Variants in EFHC1 observed in about 807,000 individuals in gnomAD.
The protein encoded by EFHC1 is EF-hand domain containing 1, also known as EF-hand domain-containing protein 1.
A neutral mutation model predicts 69.9 loss-of-function variants in EFHC1; 53 were observed. The ratio of observed to expected loss-of-function variants is 0.76; its 90% CI spans 0.61 to 0.95. EFHC1 has a LOEUF of 0.95. Ranked by LOEUF, EFHC1 falls within the 40% of genes least tolerant of loss-of-function variation. The probability of loss-of-function intolerance (pLI) is 0.00; values close to 1 mark genes in which losing one functional copy is unlikely to be tolerated. For missense variants in EFHC1, 739 were observed against 798.7 expected (o/e 0.93, Z 0.90); for synonymous variants, 256 against 278.4 (o/e 0.92, Z 0.80).
At chr6:52,446,791 A>G (rs1764797281) in intron 3 of EFHC1, among the ~76,000 whole-genome samples, 1 of 152,160 alleles carries the variant, frequency 6.6e-6, no homozygotes, top group South Asian at 2.1e-4. Context: ...GTTTGTCTAT[A>G]AAGGATTTTA....
At chr6:52,444,650 T>C (rs1320533178) in intron 3 of EFHC1, among the ~76,000 whole-genome samples, 1 of 152,218 alleles carries the variant, frequency 6.6e-6, no homozygotes, top group Non-Finnish European at 1.5e-5. Flanking sequence ...AACTTGATCG[T>C]GGTGGATAGG....
chr6:52,439,994 T>C (rs1469341697), intron 3 of EFHC1, among the ~76,000 whole-genome samples: 1 of 152,170 alleles, frequency 6.6e-6, no homozygotes, highest in Non-Finnish European at 1.5e-5. Context: ...ATAACAATTA[T>C]TTTTACAGTT....
At chr6:52,455,236 G>A (rs1024147633) in intron 5 of EFHC1, among the ~76,000 whole-genome samples, 1 of 152,186 alleles carries the variant, frequency 6.6e-6, no homozygotes, top group African/African-American at 2.4e-5. Context: ...TTAGAATAAT[G>A]TCATCTTGGT....
At chr6:52,423,899 C>G (rs1764243948) in intron 1 of EFHC1, 47 bp from the exon 2 acceptor site, 8 of 1,610,340 alleles carry the variant, frequency 5.0e-6, no homozygotes, top group Non-Finnish European at 5.9e-6. Context: ...TTTTACCTAA[C>G]AAATATTTGT....
In EFHC1 at chr6:52,480,176, C is replaced by A. The variant is rs1765644540; in HGVS notation, c.1640+389C>A. On this transcript the variant is annotated intron_variant, in intron 9 of 10. Coordinates refer to ENST00000371068, the MANE Select transcript of EFHC1 (RefSeq NM_018100.4). ...ATGTGTATTGCATCCTGTATTCTTA[C>A]AATACGGTAAGCTAGAGAAAATTAA... 1.1e-5 allele frequency: 4 copies of A among 367,772 alleles called. No individual in the cohort carries two copies. In the South Asian group the frequency reaches 1.2e-4, roughly 11 times the overall value. 22.8% of individuals were successfully genotyped at this position (367,772 alleles called of 1,614,324 possible).
intron 5 of EFHC1, among the ~76,000 whole-genome samples, chr6:52,461,564 A>G (rs1237430967): frequency 1.3e-5 from 2 of 152,144 alleles, no homozygotes; most frequent in East Asian, 3.9e-4. Flanking sequence ...GATGATTTAT[A>G]TTCCTTTGGA....
At chr6:52,420,568 G>A (rs1764166945) in intron 1 of EFHC1, 95 bp downstream of exon 1, 2 of 1,448,018 alleles carry the variant, frequency 1.4e-6, no homozygotes, top group Admixed American at 1.7e-5. Flanking sequence ...CTCCACTCAA[G>A]TCTGTCTTCT....
At chr6:52,430,187 A>T (rs1764386464) in intron 2 of EFHC1, 1 of 152,116 alleles carries the variant, frequency 6.6e-6, no homozygotes, top group Non-Finnish European at 1.5e-5. Context: ...ACCTATTTGG[A>T]TGACCTTTAT....
intron 5 of EFHC1, among the ~76,000 whole-genome samples, chr6:52,463,690 G>A (rs1765227313): frequency 1.3e-5 from 2 of 152,204 alleles, no homozygotes. Context: ...AGCAAACAAA[G>A]GCAGATGGCT....
chr6:52,470,242 G>A (rs183200310), intron 7 of EFHC1, among the ~76,000 whole-genome samples: 4 of 152,196 alleles, frequency 2.6e-5, no homozygotes, highest in Admixed American at 2.6e-4. Flanking sequence ...ATTGCACAAA[G>A]CTTTAAATAA....
At chr6:52,474,191 C>G (rs969337683) in intron 7 of EFHC1, among the ~76,000 whole-genome samples, 5 of 152,202 alleles carry the variant, frequency 3.3e-5, no homozygotes, top group Non-Finnish European at 7.3e-5. Context: ...TGGCATGTGC[C>G]TATAGTCCCA....
In EFHC1 at chr6:52,495,590, T is replaced by G. The variant is rs1024802469; in HGVS notation, c.*3249T>G. On this transcript the variant is annotated 3_prime_UTR_variant, in exon 11 of 11. Coordinates refer to ENST00000371068, the MANE Select transcript of EFHC1 (RefSeq NM_018100.4). ...CCTGCTTTTGGCTGTTTTGTTTTGT[T>G]TTTGTGTTTGTTTTTTAGAGACAGG... 1 of 454,020 alleles carries G rather than the reference T, an allele frequency of 2.2e-6. No homozygotes were observed. The highest frequency in any genetic ancestry group is 2.3e-5 in the Admixed American group (1 of 42,562). 28.1% of individuals were successfully genotyped at this position (454,020 alleles called of 1,614,324 possible).
chr6:52,484,501 A>G (rs985607197), intron 9 of EFHC1: 4 of 152,210 alleles, frequency 2.6e-5, no homozygotes, highest in African/African-American at 9.7e-5. Context: ...TGACTTACTT[A>G]GTAGTAGAAG....
chr6:52,441,667 T>C (rs1283831872), intron 3 of EFHC1, among the ~76,000 whole-genome samples: 1 of 152,184 alleles, frequency 6.6e-6, no homozygotes, highest in African/African-American at 2.4e-5. Flanking sequence ...AGGAATAGCA[T>C]TGAATCTGTA....
chr6:52,446,136 A>G (rs945318755), intron 3 of EFHC1, among the ~76,000 whole-genome samples: 1 of 152,150 alleles, frequency 6.6e-6, no homozygotes, highest in Admixed American at 6.5e-5. Flanking sequence ...TGTCTTGTTG[A>G]TCTGTCTAAT....
intron 4 of EFHC1, chr6:52,453,678 G>A: frequency 8.0e-7 from 1 of 1,254,836 alleles, no homozygotes; most frequent in Non-Finnish European, 1.0e-6. Flanking sequence ...ATGTGTTGAT[G>A]GGACCAAAAA....
intron 3 of EFHC1, among the ~76,000 whole-genome samples, chr6:52,440,403 A>C (rs553142352): frequency 4.6e-5 from 7 of 152,204 alleles, no homozygotes; most frequent in African/African-American, 1.7e-4. Context: ...ATAGCACTTC[A>C]TCACTAGGCA....
intron 9 of EFHC1, 30 bp from the exon 10 acceptor site, chr6:52,490,110 T>C (rs1348232206): frequency 6.3e-7 from 1 of 1,594,768 alleles, no homozygotes. Context: ...ATAAATACCA[T>C]GTGCAGTCAT....
rs116828485 is a variant in EFHC1, at chr6:52,457,513, G to T, written c.916+3226G>T. Among the ~76,000 whole-genome samples the T allele has an allele frequency of 5.5e-3, 841 of 152,332 alleles. 7 individuals carry two copies. Among genetic ancestry groups the T allele is most frequent in the African/African-American group, 0.019 (791 of 41,570 alleles). On this transcript the variant is annotated intron_variant, in intron 5 of 10. Transcript: ENST00000371068. ...TAGGAAATTATGGGAGTAACTTTCA[G>T]AAGTCCTCTCAACCAGGGCCTCCTT...
Sources: gnomAD v4.1 joint callset for allele counts (sites outside exome capture counted in the v4.1 genomes callset) on GRCh38, gnomAD v4.1.1 for gene constraint, MANE v1.5 for transcripts, NCBI Gene and HGNC (gene_info 2026-07-23, HGNC 2026-07-21) for gene names.